The following TNIK variants were observed in gnomAD, a reference collection of about 807,000 sequenced individuals.
TNIK encodes the protein TRAF2 and NCK-interacting protein kinase.
Under a neutral mutation model 191.3 loss-of-function variants are expected in TNIK, and 49 were observed. That is an observed-to-expected ratio of 0.26 (90% confidence interval 0.20 to 0.32). TNIK has a LOEUF of 0.32. Ranked by LOEUF, TNIK falls within the 10% of genes least tolerant of loss-of-function variation. TNIK has a pLI of 1.00. For missense variants in TNIK, 1,155 were observed against 1,702.3 expected (o/e 0.68, Z 5.66); for synonymous variants, 594 against 600.9 (o/e 0.99, Z 0.17).
chr3:171,208,024 G>C (rs563035376), intron 4 of TNIK, among the ~76,000 whole-genome samples: 2 of 152,166 alleles, frequency 1.3e-5, no homozygotes, highest in Non-Finnish European at 1.5e-5. Context: ...AAAGGGTTCA[G>C]ATGCTGAACT....
intron 18 of TNIK, among the ~76,000 whole-genome samples, chr3:171,113,292 A>AT (rs1726139465): frequency 6.6e-6 from 1 of 152,004 alleles, no homozygotes; most frequent in African/African-American, 2.4e-5. Flanking sequence ...CGGGTAGACG[A>AT]TTTTTGGATA....
rs76022747 is a variant in TNIK, at chr3:171,214,499, G to A, written c.181-3258C>T. 1.7e-3 allele frequency among the ~76,000 whole-genome samples: 260 copies of A among 152,276 alleles called. 4 individuals carry two copies. In the East Asian group the frequency reaches 0.038, roughly 22 times the overall value. On this transcript the variant is annotated intron_variant, in intron 3 of 32. Coordinates refer to ENST00000436636, the MANE Select transcript of TNIK (RefSeq NM_015028.4). ...GACAATTTATCATAAAGGATCACAG[G>A]CTACGAGAATTTGAATAGCCTCTAT... is the stretch of plus-strand genomic sequence containing the variant.
intron 25 of TNIK, among the ~76,000 whole-genome samples, chr3:171,084,888 G>A (rs187338093): frequency 1.1e-4 from 17 of 152,232 alleles, no homozygotes; most frequent in Admixed American, 5.9e-4. Flanking sequence ...GGGTCCCTAT[G>A]TACCCCTGGG....
At chr3:171,084,835 CATTT>C (rs61509369) in intron 25 of TNIK, among the ~76,000 whole-genome samples, 4,745 of 152,104 alleles carry the variant, frequency 0.031, 244 homozygotes, top group African/African-American at 0.1. Context: ...TTTGGGGAAA[CATTT>C]AGTTATGTTC....
intron 15 of TNIK, among the ~76,000 whole-genome samples, chr3:171,131,868 C>G (rs1209208878): frequency 1.3e-5 from 2 of 152,108 alleles, no homozygotes; most frequent in Non-Finnish European, 2.9e-5. Flanking sequence ...TCTAGGCAGG[C>G]CCTTTTCATT....
rs927595254 is a variant in TNIK, at chr3:171,211,364, A to G, written c.181-123T>C. 2.4e-5 allele frequency: 27 copies of G among 1,142,210 alleles called. No individual in the cohort carries two copies. The African/African-American group carries it at 4.2e-4, about 18-fold the overall frequency. The allele number at this position is 1,142,210 out of a possible 1,614,324, so 70.8% of individuals were successfully genotyped here. On this transcript the variant is annotated intron_variant, in intron 3 of 32. Coordinates refer to ENST00000436636, the MANE Select transcript of TNIK (RefSeq NM_015028.4). ...TCCTTGTTGACAAATGAGCATAATT[A>G]TTACATATGAGGGCAAAGAACAATT... is the stretch of plus-strand genomic sequence containing the variant.
At chr3:171,175,964 A>G (rs1735909560) in intron 8 of TNIK, among the ~76,000 whole-genome samples, 1 of 152,248 alleles carries the variant, frequency 6.6e-6, no homozygotes, top group South Asian at 2.1e-4. Context: ...GCAGAAAAAC[A>G]AAGTTATAAA....
At chr3:171,245,833 T>A (rs191208579) in intron 2 of TNIK, among the ~76,000 whole-genome samples, 1 of 152,340 alleles carries the variant, frequency 6.6e-6, no homozygotes, top group East Asian at 1.9e-4. Flanking sequence ...CTTTCTTTTG[T>A]TATACATTTT....
chr3:171,279,643 G>A (rs1560364613), intron 2 of TNIK, among the ~76,000 whole-genome samples: 1 of 152,110 alleles, frequency 6.6e-6, no homozygotes, highest in Non-Finnish European at 1.5e-5. Context: ...CTCTATCCAA[G>A]GCAACTATTA....
chr3:171,421,826 G>A (rs1159628611), intron 1 of TNIK, among the ~76,000 whole-genome samples: 1 of 143,934 alleles, frequency 6.9e-6, no homozygotes, highest in Admixed American at 7.4e-5. Context: ...CCGCCTCCTA[G>A]GTTCAAGCAA....
chr3:171,207,334 C>T (rs1740215051), intron 4 of TNIK, among the ~76,000 whole-genome samples: 1 of 152,006 alleles, frequency 6.6e-6, no homozygotes, highest in Admixed American at 6.5e-5. Flanking sequence ...TCCTCACCAA[C>T]AATATACAAA....
At chr3:171,247,324 A>G (rs149168516) in intron 2 of TNIK, among the ~76,000 whole-genome samples, 163 of 152,390 alleles carry the variant, frequency 1.1e-3, no homozygotes, top group African/African-American at 3.7e-3. Context: ...CAGTGAAAAG[A>G]GAATAGATCC....
chr3:171,392,196 G>A (rs1257598119), intron 1 of TNIK, among the ~76,000 whole-genome samples: 1 of 152,124 alleles, frequency 6.6e-6, no homozygotes, highest in Non-Finnish European at 1.5e-5. Flanking sequence ...AGGCACTCAG[G>A]AAATACTGGG....
intron 22 of TNIK, among the ~76,000 whole-genome samples, chr3:171,097,686 C>T (rs1384085187): frequency 2.0e-5 from 3 of 152,212 alleles, no homozygotes; most frequent in Admixed American, 6.5e-5. Context: ...TGTGAGGCCC[C>T]CCTAGCCATG....
In TNIK at chr3:171,101,441, T is replaced by C; in HGVS notation, c.2591+8A>G. ...TCCCGGTCTACACTTTAAAAGTAGT[T>C]CTCTTACATCAGTCTGGGTATGTCG... is the stretch of plus-strand genomic sequence containing the variant. On this transcript the variant is annotated splice_region_variant and intron_variant, in intron 22 of 32. Coordinates refer to ENST00000436636, the MANE Select transcript of TNIK (RefSeq NM_015028.4). The C allele has an allele frequency of 6.3e-7, 1 of 1,589,868 alleles. No individual in the cohort carries two copies. The highest frequency in any genetic ancestry group is 8.5e-7 in the Non-Finnish European group (1 of 1,171,962).
chr3:171,060,090 G>C lies in TNIK; in HGVS notation c.*3791C>G, dbSNP rs1485289862. On this transcript the variant is annotated 3_prime_UTR_variant, in exon 33 of 33. Coordinates refer to ENST00000436636, the MANE Select transcript of TNIK (RefSeq NM_015028.4). ...ATCAGCACAAATGCAAGTGATGCCT[G>C]TTCAAGCAGACTTTCAAAGACAGCA... Among the ~76,000 whole-genome samples the C allele has an allele frequency of 6.6e-6, 1 of 152,170 alleles. No individual in the cohort carries two copies. The highest frequency in any genetic ancestry group is 2.4e-5 in the African/African-American group (1 of 41,440).
At chr3:171,372,961 G>A (rs1716719909) in intron 1 of TNIK, among the ~76,000 whole-genome samples, 1 of 152,152 alleles carries the variant, frequency 6.6e-6, no homozygotes, top group African/African-American at 2.4e-5. Flanking sequence ...CCTAGATATG[G>A]AAGTCAGAGG....
intron 1 of TNIK, among the ~76,000 whole-genome samples, chr3:171,380,025 A>ACG (rs869124932): frequency 4.6e-5 from 3 of 64,520 alleles, no homozygotes; most frequent in South Asian, 5.1e-4. Context: ...ACACACACAC[A>ACG]CGCGCACACA....
At position 171,063,947 on chromosome 3, in the gene TNIK, C is replaced by T; in HGVS notation, c.4017G>A (p.Val1339=). The change falls in exon 33 of 33, where the codon GTG becomes GTA. Residue 1339 remains valine (V), a synonymous_variant. Coordinates refer to ENST00000436636, the MANE Select transcript of TNIK (RefSeq NM_015028.4). ...ERNDKVFFAS[V]RSGGSSQVFF... is the part of the protein sequence containing the mutation. ...ACACTTGGCTACTTCCTCCAGATCG[C>T]ACGGATGCAAAAAATACCTGTTTGA... 1 of 1,613,496 alleles carries T rather than the reference C, an allele frequency of 6.2e-7. No individual in the cohort carries two copies. Among genetic ancestry groups the T allele is most frequent in the South Asian group, 1.1e-5 (1 of 91,006 alleles).
Sources: gnomAD v4.1 joint callset for allele counts (sites outside exome capture counted in the v4.1 genomes callset) on GRCh38, gnomAD v4.1.1 for gene constraint, MANE v1.5 for transcripts, NCBI Gene and HGNC (gene_info 2026-07-23, HGNC 2026-07-21) for gene names.